FOXP1: variants seen among roughly 807,000 people sequenced by gnomAD.
FOXP1 encodes the protein forkhead box protein P1.
Under a neutral mutation model 98.2 loss-of-function variants are expected in FOXP1, and 15 were observed. The ratio of observed to expected loss-of-function variants is 0.15; its 90% CI spans 0.10 to 0.24. The LOEUF is 0.24. FOXP1 is among the 10% of genes least tolerant of loss of function. The probability of loss-of-function intolerance (pLI) is 1.00; values close to 1 mark genes in which losing one functional copy is unlikely to be tolerated. For missense variants in FOXP1, 633 were observed against 848.5 expected (o/e 0.75, Z 3.15); for synonymous variants, 371 against 314.5 (o/e 1.18, Z -1.90).
At chr3:71,055,788 T>C (rs550592338) in intron 7 of FOXP1, among the ~76,000 whole-genome samples, 2 of 152,314 alleles carry the variant, frequency 1.3e-5, no homozygotes, top group South Asian at 4.1e-4. Flanking sequence ...ACGGGGAGGT[T>C]TGATTAAGCA....
At chr3:71,093,339 C>T (rs143563713) in intron 7 of FOXP1, among the ~76,000 whole-genome samples, 5 of 148,870 alleles carry the variant, frequency 3.4e-5, no homozygotes, top group African/African-American at 4.9e-5. Flanking sequence ...GATCTTTTCA[C>T]AATGATGGAA....
At chr3:71,003,110 C>CA (rs2042320561) in intron 12 of FOXP1, among the ~76,000 whole-genome samples, 1 of 152,218 alleles carries the variant, frequency 6.6e-6, no homozygotes, top group Non-Finnish European at 1.5e-5. Context: ...AGCTGGGCAT[C>CA]ACTGCCCTCA....
chr3:71,322,325 T>C (rs140031228), intron 4 of FOXP1, among the ~76,000 whole-genome samples: 32 of 152,320 alleles, frequency 2.1e-4, no homozygotes, highest in African/African-American at 7.5e-4. Context: ...AGTTCCTCAA[T>C]TGCACCAGTC....
intron 5 of FOXP1, among the ~76,000 whole-genome samples, chr3:71,263,019 G>A (rs2069306498): frequency 6.6e-6 from 1 of 152,156 alleles, no homozygotes. Context: ...GGCTTCTCAC[G>A]CAGTGCCTGG....
chr3:71,304,851 G>A lies in FOXP1; in HGVS notation c.-72-4971C>T, dbSNP rs1296226681. 2.0e-5 allele frequency: 3 copies of A among 152,078 alleles called. No individual in the cohort carries two copies. In the East Asian group the frequency reaches 5.8e-4, roughly 29 times the overall value. The allele number at this position is 152,078 out of a possible 1,614,324, so 9.4% of individuals were successfully genotyped here. A position where few individuals can be genotyped will look rare whatever the true frequency, so the allele number is the denominator to read the frequency against. ...TTCTCACAGTTTCCAACCGGCGGGG[G>A]AACAGCACACTCTTCTGTTGAAAAG... On this transcript the variant is annotated intron_variant, in intron 4 of 20. Coordinates refer to ENST00000649528, the MANE Select transcript of FOXP1 (RefSeq NM_001349338.3).
chr3:71,473,490 C>T (rs1257511862), intron 3 of FOXP1, among the ~76,000 whole-genome samples: 2 of 151,956 alleles, frequency 1.3e-5, no homozygotes, highest in Non-Finnish European at 2.9e-5. Flanking sequence ...AAATATTGTC[C>T]CAAAATTTTG....
chr3:71,058,605 GA>G (rs747147944), intron 7 of FOXP1, among the ~76,000 whole-genome samples: 192 of 104,088 alleles, frequency 1.8e-3, no homozygotes, highest in Admixed American at 5.5e-3. Context: ...AGAGAGAGGA[GA>G]AAAAAAAAAA....
intron 3 of FOXP1, among the ~76,000 whole-genome samples, chr3:71,423,223 T>C (rs951534375): frequency 8.5e-5 from 13 of 152,314 alleles, no homozygotes; most frequent in African/African-American, 2.6e-4. Flanking sequence ...CTAGGTGCTA[T>C]TAAGCCCATT....
chr3:71,407,334 T>C (rs1251462224), intron 3 of FOXP1, among the ~76,000 whole-genome samples: 1 of 152,194 alleles, frequency 6.6e-6, no homozygotes, highest in Admixed American at 6.5e-5. Context: ...ACACACATTT[T>C]AAAAATCATG....
chr3:71,278,840 C>A (rs12487457), intron 5 of FOXP1, among the ~76,000 whole-genome samples: 2 of 151,688 alleles, frequency 1.3e-5, no homozygotes, highest in African/African-American at 4.8e-5. Flanking sequence ...AATACCCAGC[C>A]GCGCCTTCAT....
At chr3:71,185,581 C>T (rs903948428) in intron 6 of FOXP1, among the ~76,000 whole-genome samples, 1 of 152,144 alleles carries the variant, frequency 6.6e-6, no homozygotes, top group African/African-American at 2.4e-5. Context: ...CAACTTTGCA[C>T]CTGGGTAGAC....
intron 4 of FOXP1, among the ~76,000 whole-genome samples, chr3:71,357,491 G>A (rs1183861293): frequency 1.3e-5 from 2 of 152,188 alleles, no homozygotes; most frequent in Non-Finnish European, 2.9e-5. Context: ...GCATGATTTC[G>A]TAAAAGTAAC....
chr3:71,571,520 A>T (rs2047340389), intron 2 of FOXP1: 1 of 152,228 alleles, frequency 6.6e-6, no homozygotes, highest in Admixed American at 6.5e-5. Context: ...ATGTCAGTAC[A>T]AATAAGCAAG....
chr3:71,287,292 C>T (rs375572216), intron 5 of FOXP1, among the ~76,000 whole-genome samples: 4 of 152,042 alleles, frequency 2.6e-5, no homozygotes, highest in South Asian at 2.1e-4. Context: ...GGGAAAATGG[C>T]GAAACCCTGT....
chr3:70,962,653 T>C lies in FOXP1; in HGVS notation c.1889+3237A>G, dbSNP rs571741823. Among the ~76,000 whole-genome samples, 3 of 152,348 alleles carry C rather than the reference T, an allele frequency of 2.0e-5. No individual in the cohort carries two copies. The South Asian group carries it at 6.2e-4, about 32-fold the overall frequency. On this transcript the variant is annotated intron_variant, in intron 20 of 20. Transcript: ENST00000649528. Reference sequence around the variant, plus strand: ...AATTTATGTTTTAGCTATATGCTGATTGAGGTTCAAATGTTGTTTTCCAAA... The same window carrying C: ...AATTTATGTTTTAGCTATATGCTGACTGAGGTTCAAATGTTGTTTTCCAAA...
intron 3 of FOXP1, among the ~76,000 whole-genome samples, chr3:71,444,225 A>G (rs1383180107): frequency 2.0e-5 from 3 of 152,126 alleles, no homozygotes; most frequent in South Asian, 4.1e-4. Flanking sequence ...CTGCGCCTGA[A>G]CACATCTGGA....
At chr3:71,515,694 T>C (rs533594611) in intron 2 of FOXP1, among the ~76,000 whole-genome samples, 1 of 152,106 alleles carries the variant, frequency 6.6e-6, no homozygotes, top group East Asian at 1.9e-4. Flanking sequence ...AAAAAGTAAC[T>C]CAAGAATGTA....
chr3:71,046,992 A>C lies in FOXP1; in HGVS notation c.614T>G (p.Leu205Arg), dbSNP rs2049111845. ...GGCAGGCTGCCCGGGCTGAATTGTC[A>C]GAAGGCCTTGGCGCTGCAAAGACAG... Reference protein sequence around the residue: ...HLLSLQRQGLLTIQPGQPALP... With the variant: ...HLLSLQRQGLRTIQPGQPALP... Residue 205 changes from leucine (L) to arginine (R), a missense_variant, in exon 10 of 21, where the codon CTG becomes CGG. Leu to Arg is a moderately radical substitution (Grantham distance 102). This residue lies in a region of FOXP1 where 210 missense variants were observed against 270.6 expected (regional missense o/e 0.78). Coordinates refer to ENST00000649528, the MANE Select transcript of FOXP1 (RefSeq NM_001349338.3). The C allele has an allele frequency of 6.2e-7, 1 of 1,614,004 alleles. No homozygotes were observed. Among genetic ancestry groups the C allele is most frequent in the African/African-American group, 1.3e-5 (1 of 74,920 alleles).
intron 18 of FOXP1, chr3:70,972,074 T>G: frequency 6.6e-7 from 1 of 1,520,190 alleles, no homozygotes; most frequent in Non-Finnish European, 8.8e-7. Flanking sequence ...TCGTTGAATA[T>G]GGCGGCCACG....
Sources: allele counts gnomAD v4.1 joint callset (sites outside exome capture counted in the v4.1 genomes callset), GRCh38; gene constraint gnomAD v4.1.1; regional missense constraint gnomAD v4.1.1; transcripts MANE v1.5; gene names NCBI Gene and HGNC (gene_info 2026-07-23, HGNC 2026-07-21).